LOXL2: variants seen among roughly 807,000 people sequenced by gnomAD.
LOXL2 encodes the protein lysyl oxidase homolog 2.
A neutral mutation model predicts 93.0 loss-of-function variants in LOXL2; 70 were observed. The ratio of observed to expected loss-of-function variants is 0.75; its 90% CI spans 0.62 to 0.92. The LOEUF is 0.92. Among genes scored for constraint, LOXL2 ranks in the 40% least tolerant of loss-of-function variants. LOXL2 has a pLI of 0.00. For missense variants in LOXL2, 973 were observed against 1,054.9 expected (o/e 0.92, Z 1.08); for synonymous variants, 438 against 413.2 (o/e 1.06, Z -0.73).
At position 23,368,100 on chromosome 8, in the gene LOXL2, G is replaced by A. The variant is rs137863437; in HGVS notation, c.252C>T (p.Cys84=). Residue 84 remains cysteine (C), a synonymous_variant, in exon 2 of 14, where the codon TGC becomes TGT. Coordinates refer to ENST00000389131, the MANE Select transcript of LOXL2 (RefSeq NM_002318.3). ...VYYDGQWGTV[C]DDDFSIHAAH... is the part of the protein sequence containing the mutation. ...CAGCGTGGATGGAGAAGTCGTCATC[G>A]CACACGGTGCCCCACTGGCCATCAT... The A allele has an allele frequency of 2.2e-4, 349 of 1,614,062 alleles. No individual in the cohort carries two copies. Among genetic ancestry groups the A allele is most frequent in the Middle Eastern group, 8.2e-4 (5 of 6,062 alleles).
chr8:23,303,253 C>T (rs1278145138), intron 11 of LOXL2, 29 bp downstream of exon 11: 1 of 1,401,296 alleles, frequency 7.1e-7, no homozygotes, highest in Non-Finnish European at 1.0e-6. Flanking sequence ...CCCTCTGAGG[C>T]CTCCCATCCC....
chr8:23,393,811 C>A (rs545636997), intron 1 of LOXL2, among the ~76,000 whole-genome samples: 6 of 152,184 alleles, frequency 3.9e-5, no homozygotes, highest in Non-Finnish European at 7.4e-5. Flanking sequence ...AAATATTTAT[C>A]GCACTTATTC....
chr8:23,341,179 T>A lies in LOXL2; in HGVS notation c.556A>T (p.Ile186Phe). Reference protein sequence around the residue: ...IENLNIQVEDIRIRAILSTYR... With the variant: ...IENLNIQVEDFRIRAILSTYR... ...GTTGAGAGGATGGCTCGAATCCGAA[T>A]GTCCTCCACCTGGATATTCAGGTTC... Residue 186 changes from isoleucine (I) to phenylalanine (F), a missense_variant, in exon 4 of 14, where the codon ATT (isoleucine) becomes TTT (phenylalanine). Ile to Phe is a conservative substitution (Grantham distance 21). Coordinates refer to ENST00000389131, the MANE Select transcript of LOXL2 (RefSeq NM_002318.3). 6.2e-7 allele frequency: 1 copy of A among 1,613,458 alleles called. No individual in the cohort carries two copies. The highest frequency in any genetic ancestry group is 1.3e-5 in the African/African-American group (1 of 75,020).
chr8:23,312,043 A>C (rs894373994), intron 9 of LOXL2, among the ~76,000 whole-genome samples: 1 of 152,258 alleles, frequency 6.6e-6, no homozygotes, highest in African/African-American at 2.4e-5. Flanking sequence ...TAAACTAGAA[A>C]TCTAGAAGAA....
At chr8:23,323,046 A>C (rs1803521658) in intron 6 of LOXL2, among the ~76,000 whole-genome samples, 1 of 152,264 alleles carries the variant, frequency 6.6e-6, no homozygotes, top group African/African-American at 2.4e-5. Flanking sequence ...ATCCAGGCTT[A>C]CTGAGGCCAA....
intron 3 of LOXL2, among the ~76,000 whole-genome samples, chr8:23,352,109 C>T (rs1804104454): frequency 6.6e-6 from 1 of 152,192 alleles, no homozygotes; most frequent in Non-Finnish European, 1.5e-5. Context: ...CCACCGTGCC[C>T]AGCCCTGGAC....
In LOXL2 at chr8:23,319,950, C is replaced by T. The variant is rs1292208226; in HGVS notation, c.1405G>A (p.Gly469Ser). The T allele has an allele frequency of 6.2e-7, 1 of 1,613,920 alleles. No homozygotes were observed. The highest frequency in any genetic ancestry group is 8.5e-7 in the Non-Finnish European group (1 of 1,179,964). Reference protein sequence around the residue: ...VWGMVCGQNWGIVEAMVVCRQ... With the variant: ...VWGMVCGQNWSIVEAMVVCRQ... ...CAGACCACCATGGCCTCCACGATGC[C>T]CCAGTTTTGGCCACACACCATCCCC... The change falls in exon 8 of 14, where the codon GGC becomes AGC. Residue 469 changes from glycine to serine, a missense_variant. By Grantham distance (56) the Gly-to-Ser change is moderately conservative. Transcript: ENST00000389131.
Position 23,333,729 on chromosome 8 carries a change from C to T in LOXL2, c.744-106G>A, listed in dbSNP as rs1002840145. The T allele has an allele frequency of 5.5e-5, 49 of 884,922 alleles. 1 individual carries two copies. The Middle Eastern group carries it at 2.3e-3, about 42-fold the overall frequency. The allele number at this position is 884,922 out of a possible 1,614,324, so 54.8% of individuals were successfully genotyped here. Reference sequence around the variant, plus strand: ...GAGACTGGGCCCTGCTCCTGGAGCTCAGCCCTGCTTCACAGAGGGTCCCAG... The same window carrying T: ...GAGACTGGGCCCTGCTCCTGGAGCTTAGCCCTGCTTCACAGAGGGTCCCAG... On this transcript the variant is annotated intron_variant, in intron 4 of 13. Coordinates refer to ENST00000389131, the MANE Select transcript of LOXL2 (RefSeq NM_002318.3).
chr8:23,372,227 T>C (rs1248759817), intron 1 of LOXL2, among the ~76,000 whole-genome samples: 1 of 151,826 alleles, frequency 6.6e-6, no homozygotes, highest in Non-Finnish European at 1.5e-5. Flanking sequence ...TTTTCTTTTT[T>C]TTTTTTGAGA....
intron 1 of LOXL2, among the ~76,000 whole-genome samples, chr8:23,394,746 C>G (rs917278902): frequency 3.5e-5 from 5 of 141,796 alleles, no homozygotes; most frequent in Non-Finnish European, 6.2e-5. Context: ...AACCCCCCTC[C>G]TAAGTATATA....
intron 1 of LOXL2, among the ~76,000 whole-genome samples, chr8:23,400,182 G>C (rs576820098): frequency 6.6e-6 from 1 of 152,306 alleles, no homozygotes; most frequent in East Asian, 1.9e-4. Flanking sequence ...AATGCTAAAA[G>C]CAGAAGGCTC....
intron 10 of LOXL2, 110 bp downstream of exon 10, chr8:23,309,558 G>A: frequency 8.1e-7 from 1 of 1,230,488 alleles, no homozygotes; most frequent in Non-Finnish European, 1.0e-6. Flanking sequence ...CTATCCCCAG[G>A]CCATGCAGCC....
chr8:23,379,696 C>T (rs949441278), intron 1 of LOXL2, among the ~76,000 whole-genome samples: 9 of 152,166 alleles, frequency 5.9e-5, no homozygotes, highest in African/African-American at 2.2e-4. Context: ...GACTGCTGTG[C>T]TAGCAATGAG....
chr8:23,371,644 C>T (rs1041438469), intron 1 of LOXL2, among the ~76,000 whole-genome samples: 9 of 147,558 alleles, frequency 6.1e-5, no homozygotes, highest in Non-Finnish European at 8.9e-5. Context: ...CCCAGCTACT[C>T]GGGAGGCTGA....
chr8:23,397,953 T>C, intron 1 of LOXL2, among the ~76,000 whole-genome samples: 1 of 111,168 alleles, frequency 9.0e-6, no homozygotes, highest in African/African-American at 3.5e-5. Flanking sequence ...AGAGTAAGAC[T>C]CTGTCTCAAA....
rs1803747367 is a variant in LOXL2 at position 23,333,913 on chromosome 8, A to ATAC, written c.744-291_744-290insGTA. ...CACTCAATGTGGTGAAATAATAATA[A>ATAC]TAAAGCCCAGGAACACAGAATGCAC... On this transcript the variant is annotated intron_variant, in intron 4 of 13. Transcript: ENST00000389131. Among the ~76,000 whole-genome samples the ATAC allele has an allele frequency of 4.6e-5, 7 of 152,348 alleles. No individual in the cohort carries two copies. In the South Asian group the frequency reaches 1.4e-3, roughly 32 times the overall value.
intron 5 of LOXL2, 148 bp from the exon 6 acceptor site, chr8:23,328,713 G>A (rs1434592759): frequency 1.8e-6 from 1 of 543,756 alleles, no homozygotes; most frequent in Non-Finnish European, 3.2e-6. Context: ...GTATGGATGT[G>A]TGTGTGTGTG....
intron 1 of LOXL2, among the ~76,000 whole-genome samples, chr8:23,370,304 C>T (rs1435165101): frequency 6.6e-6 from 1 of 152,148 alleles, no homozygotes; most frequent in African/African-American, 2.4e-5. Context: ...TTCACAGAGA[C>T]CTTCCTAGGT....
chr8:23,340,976 G>T lies in LOXL2; in HGVS notation c.743+16C>A, dbSNP rs763043399. Reference sequence around the variant, plus strand: ...CGGATACCCTCAAAGCCACCCCTTTGGTGCAGTCCTCTTACTTGTACACTT... The same window carrying T: ...CGGATACCCTCAAAGCCACCCCTTTTGTGCAGTCCTCTTACTTGTACACTT... On this transcript the variant is annotated intron_variant, in intron 4 of 13. Coordinates refer to ENST00000389131, the MANE Select transcript of LOXL2 (RefSeq NM_002318.3). The T allele has an allele frequency of 3.1e-6, 5 of 1,606,346 alleles. No individual in the cohort carries two copies. The highest frequency in any genetic ancestry group is 4.3e-6 in the Non-Finnish European group (5 of 1,173,176).
Sources: gnomAD v4.1 joint callset for allele counts (sites outside exome capture counted in the v4.1 genomes callset) on GRCh38, gnomAD v4.1.1 for gene constraint, MANE v1.5 for transcripts, NCBI Gene and HGNC (gene_info 2026-07-23, HGNC 2026-07-21) for gene names.